NLN: variants seen among roughly 807,000 people sequenced by gnomAD.
The protein encoded by NLN is neurolysin, mitochondrial.
A neutral mutation model predicts 79.9 loss-of-function variants in NLN; 64 were observed. The observed-to-expected ratio is 0.80, with a 90% CI of 0.65 to 0.99. NLN has a LOEUF of 0.99. Among genes scored for constraint, NLN ranks in the 50% least tolerant of loss-of-function variants. NLN has a pLI of 0.00. For missense variants in NLN, 835 were observed against 858.7 expected, an observed-to-expected ratio of 0.97 and a Z score of 0.34; for synonymous variants, 267 against 296.6, an observed-to-expected ratio of 0.90 and a Z score of 1.02.
chr5:65,724,393 G>A (rs141309670), intron 1 of NLN, among the ~76,000 whole-genome samples: 33 of 152,178 alleles, frequency 2.2e-4, no homozygotes, highest in African/African-American at 7.0e-4. Flanking sequence ...CGTTTTTAAG[G>A]TTTATTCGTT....
rs1010402216 is a variant in NLN at position 65,781,522 on chromosome 5, C to T, written c.822+101C>T. 6.8e-5 allele frequency: 56 copies of T among 826,320 alleles called. No individual in the cohort carries two copies. The Admixed American group carries it at 1.2e-3, about 18-fold the overall frequency. The allele number at this position is 826,320 out of a possible 1,614,324, so 51.2% of individuals were successfully genotyped here. The stretch of plus-strand genomic sequence containing the variant: ...CAAAGTCAGCTCAGAGACTGATATT[C>T]CTGTGTGTGCACTGTATCTCTAATT... On this transcript the variant is annotated intron_variant, in intron 6 of 12. Coordinates refer to ENST00000380985, the MANE Select transcript of NLN (RefSeq NM_020726.5).
At chr5:65,821,743 A>T (rs776858655) in intron 12 of NLN, among the ~76,000 whole-genome samples, 1 of 152,136 alleles carries the variant, frequency 6.6e-6, no homozygotes, top group South Asian at 2.1e-4. Flanking sequence ...GCTGCAAATG[A>T]TTTCTATTTA....
chr5:65,724,404 T>G (rs1758409529), intron 1 of NLN, among the ~76,000 whole-genome samples: 1 of 152,242 alleles, frequency 6.6e-6, no homozygotes, highest in South Asian at 2.1e-4. Context: ...TTTATTCGTT[T>G]TGAAGCATGT....
intron 1 of NLN, among the ~76,000 whole-genome samples, chr5:65,757,255 C>CCTACCTA (rs1759239368): frequency 1.3e-5 from 2 of 152,166 alleles, no homozygotes; most frequent in South Asian, 4.2e-4. Context: ...ACAGTAATGC[C>CCTACCTA]CTACCTACCT....
At chr5:65,756,012 G>A (rs1425959159) in intron 1 of NLN, among the ~76,000 whole-genome samples, 1 of 152,056 alleles carries the variant, frequency 6.6e-6, no homozygotes, top group Admixed American at 6.6e-5. Flanking sequence ...CCTGACACTG[G>A]TTTTGCCAGA....
chr5:65,727,508 A>G (rs1225603438), intron 1 of NLN, among the ~76,000 whole-genome samples: 1 of 152,054 alleles, frequency 6.6e-6, no homozygotes, highest in African/African-American at 2.4e-5. Context: ...GACTAGACTA[A>G]ATAATAGCTA....
rs750561913 is a variant in NLN, at chr5:65,792,457, A to G, written c.1329A>G (p.Glu443=). 1.1e-5 allele frequency: 17 copies of G among 1,610,972 alleles called. No homozygotes were observed. In the Middle Eastern group the frequency reaches 6.6e-4, roughly 62 times the overall value. Residue 443 remains glutamate, a synonymous_variant, in exon 9 of 13, where the codon GAA becomes GAG. Coordinates refer to ENST00000380985, the MANE Select transcript of NLN (RefSeq NM_020726.5). ...GQFYLDLYPR[E]GKYNHAACFG... ...AACGCGTGTTTCTGGCTCCTAGGGA[A>G]GGAAAATACAATCATGCGGCCTGCT... is the stretch of plus-strand genomic sequence containing the variant.
rs1294185227 is a variant in NLN, at chr5:65,828,889, T to G, written c.*5974T>G. 6.6e-6 allele frequency: 1 copy of G among 152,238 alleles called. No individual in the cohort carries two copies. Among genetic ancestry groups the G allele is most frequent in the East Asian group, 1.9e-4 (1 of 5,200 alleles). The allele number at this position is 152,238 out of a possible 1,614,324, so 9.4% of individuals were successfully genotyped here. A position where few individuals can be genotyped will look rare whatever the true frequency, so the allele number is the denominator to read the frequency against. The stretch of plus-strand genomic sequence containing the variant: ...CTCCCCCATACTGTAGGAATATTGT[T>G]TATGGCTTAAGGTTGCCTCGCTCCT... On this transcript the variant is annotated 3_prime_UTR_variant, in exon 13 of 13. Transcript: ENST00000380985.
chr5:65,746,867 G>A (rs1046576086), intron 1 of NLN, among the ~76,000 whole-genome samples: 1 of 152,086 alleles, frequency 6.6e-6, no homozygotes, highest in Non-Finnish European at 1.5e-5. Context: ...AGCCGGGCGT[G>A]GTGGTGGGCA....
At chr5:65,724,368 GTTTA>G (rs1212370697) in intron 1 of NLN, among the ~76,000 whole-genome samples, 2 of 152,088 alleles carry the variant, frequency 1.3e-5, no homozygotes, top group Non-Finnish European at 2.9e-5. Context: ...TTTGCGTCTG[GTTTA>G]TTTAGTATAG....
At chr5:65,782,479 A>G (rs1172386500) in intron 6 of NLN, among the ~76,000 whole-genome samples, 2 of 152,188 alleles carry the variant, frequency 1.3e-5, no homozygotes, top group African/African-American at 4.8e-5. Flanking sequence ...AAACTTGCCA[A>G]ATCTTATATA....
Position 65,809,500 on chromosome 5 carries a change from G to A in NLN, c.1528-15G>A. On this transcript the variant is annotated splice_polypyrimidine_tract_variant and intron_variant, in intron 9 of 12. Coordinates refer to ENST00000380985, the MANE Select transcript of NLN (RefSeq NM_020726.5). ...ATTGAGTTCTTTAAAAAAATTCTCT[G>A]TGTTTGCTTTCTAGACTGATTTTGC... is the stretch of plus-strand genomic sequence containing the variant. 2 of 1,570,052 alleles carry A rather than the reference G, an allele frequency of 1.3e-6. No individual in the cohort carries two copies. The highest frequency in any genetic ancestry group is 1.7e-6 in the Non-Finnish European group (2 of 1,162,610).
chr5:65,726,636 T>A (rs1292548370), intron 1 of NLN, among the ~76,000 whole-genome samples: 2 of 152,212 alleles, frequency 1.3e-5, no homozygotes, highest in Non-Finnish European at 2.9e-5. Context: ...ATTAGATTCT[T>A]TGTTTATGCA....
intron 9 of NLN, chr5:65,809,104 C>T (rs1760484911): frequency 6.3e-6 from 1 of 158,926 alleles, no homozygotes; most frequent in Admixed American, 6.2e-5. Flanking sequence ...ATTGAGTAAA[C>T]AAAAGTAAGC....
intron 9 of NLN, 143 bp from the exon 10 acceptor site, chr5:65,809,372 G>A: frequency 1.6e-6 from 1 of 634,604 alleles, no homozygotes; most frequent in Non-Finnish European, 2.7e-6. Context: ...ATTTTCACTT[G>A]ACTATGAGGT....
At chr5:65,777,562 G>GAA (rs70983687) in intron 4 of NLN, 28 bp downstream of exon 4, 107 of 1,222,310 alleles carry the variant, frequency 8.8e-5, no homozygotes, top group South Asian at 2.8e-4. Flanking sequence ...TTTCTTATCA[G>GAA]AAAAAAAAAA....
At chr5:65,797,112 CT>C (rs1419496766) in intron 9 of NLN, among the ~76,000 whole-genome samples, 1 of 152,198 alleles carries the variant, frequency 6.6e-6, no homozygotes, top group Non-Finnish European at 1.5e-5. Flanking sequence ...GAGGTGATAT[CT>C]GTAGTATCTG....
At chr5:65,756,180 G>A (rs963541716) in intron 1 of NLN, among the ~76,000 whole-genome samples, 1 of 152,078 alleles carries the variant, frequency 6.6e-6, no homozygotes, top group Admixed American at 6.6e-5. Flanking sequence ...ATTAGAGTTA[G>A]GGCCCCAATG....
intron 1 of NLN, among the ~76,000 whole-genome samples, chr5:65,727,312 C>T (rs910969302): frequency 1.8e-4 from 27 of 152,016 alleles, no homozygotes; most frequent in African/African-American, 5.1e-4. Context: ...GGACTACAGG[C>T]GCTCACCACC....
Sources: gnomAD v4.1 joint callset for allele counts (sites outside exome capture counted in the v4.1 genomes callset) on GRCh38, gnomAD v4.1.1 for gene constraint, MANE v1.5 for transcripts, NCBI Gene and HGNC (gene_info 2026-07-23, HGNC 2026-07-21) for gene names.